The following ARHGAP29 variants were observed in gnomAD, a reference collection of about 807,000 sequenced individuals.
ARHGAP29 encodes rho GTPase-activating protein 29.
In ARHGAP29, 43 loss-of-function variants were observed where a neutral mutation model predicts 122.6. That is an observed-to-expected ratio of 0.35 (90% CI 0.27 to 0.45). The LOEUF (loss-of-function observed/expected upper bound fraction) is 0.45, where lower values mean the gene tolerates loss of function less well. ARHGAP29 is among the 20% of genes least tolerant of loss of function. The probability of loss-of-function intolerance (pLI) is 1.00; values close to 1 mark genes in which losing one functional copy is unlikely to be tolerated. For missense variants in ARHGAP29, 1,303 were observed against 1,477.2 expected (o/e 0.88, Z 1.93); for synonymous variants, 506 against 497.1 (o/e 1.02, Z -0.24).
At chr1:94,243,107 C>T (rs1034354179) in intron 1 of ARHGAP29, among the ~76,000 whole-genome samples, 11 of 152,052 alleles carry the variant, frequency 7.2e-5, no homozygotes, top group Non-Finnish European at 5.9e-5. Flanking sequence ...GTTAAGATTT[C>T]AGCACTCTTC....
At chr1:94,257,430 G>A (rs566294528) in intron 1 of ARHGAP29, among the ~76,000 whole-genome samples, 47 of 152,014 alleles carry the variant, frequency 3.1e-4, no homozygotes, top group Non-Finnish European at 5.4e-4. Flanking sequence ...AATCTTGGCT[G>A]GGCACAGTAG....
At chr1:94,191,893 G>C (rs1168290410) in intron 12 of ARHGAP29, 1 of 152,122 alleles carries the variant, frequency 6.6e-6, no homozygotes, top group East Asian at 1.9e-4. Flanking sequence ...AACTTGATAG[G>C]ATTTTTGTGA....
upstream of ARHGAP29, among the ~76,000 whole-genome samples, chr1:94,275,712 G>A (rs758406242): frequency 1.3e-5 from 2 of 152,072 alleles, no homozygotes; most frequent in African/African-American, 4.8e-5. Flanking sequence ...GCAAAGGAAG[G>A]AAAAGGGTTT....
chr1:94,212,630 TG>T (rs1246070608), intron 3 of ARHGAP29, among the ~76,000 whole-genome samples: 16 of 152,344 alleles, frequency 1.1e-4, no homozygotes, highest in African/African-American at 3.8e-4. Flanking sequence ...AAAAAATAAT[TG>T]TAACAACTGT....
chr1:94,169,281 G>T lies in ARHGAP29; in HGVS notation c.*4588C>A, dbSNP rs1369716293. On this transcript the variant is annotated 3_prime_UTR_variant, in exon 23 of 23. Transcript: ENST00000260526. ...TGTGCTCAGGACTGACATCACTGGGGTCAAAGATTCAGCTGCCATGGTCCA... is the reference window on the plus strand; with the variant it reads ...TGTGCTCAGGACTGACATCACTGGGTTCAAAGATTCAGCTGCCATGGTCCA... Among the ~76,000 whole-genome samples the T allele has an allele frequency of 2.0e-5, 3 of 152,166 alleles. No individual in the cohort carries two copies. Among genetic ancestry groups the T allele is most frequent in the African/African-American group, 7.2e-5 (3 of 41,440 alleles).
intron 4 of ARHGAP29, 62 bp downstream of exon 4, chr1:94,209,192 T>C (rs1651417076): frequency 8.5e-7 from 1 of 1,172,698 alleles, no homozygotes; most frequent in Non-Finnish European, 1.2e-6. Context: ...TACTGGATAA[T>C]GCAACATACT....
intron 1 of ARHGAP29, among the ~76,000 whole-genome samples, chr1:94,251,115 C>T (rs1654065850): frequency 6.6e-6 from 1 of 151,642 alleles, no homozygotes; most frequent in African/African-American, 2.4e-5. Context: ...TTATACTTTA[C>T]ATTTCATAAA....
At chr1:94,293,995 G>T in the ARHGAP29 span, among the ~76,000 whole-genome samples, 3 of 152,116 alleles carry the variant, frequency 2.0e-5, no homozygotes, top group African/African-American at 7.2e-5. Flanking sequence ...CCAACCAGAA[G>T]CTACCTAGGG....
rs530295333 is a variant in ARHGAP29 at position 94,256,536 on chromosome 1, C to CTTTTTTTTTTTTTTTTTTTTTTT, written c.-33+18453_-33+18475dup. Reference sequence around the variant, plus strand: ...CAGAAATAGATTTAACAGTACTAATCTTTTTTTTTTTTTTTTTTTTTTTTT... The same window carrying CTTTTTTTTTTTTTTTTTTTTTTT: ...CAGAAATAGATTTAACAGTACTAATCTTTTTTTTTTTTTTTTTTTTTTTTTTTTTTTTTTTTTTTTTTTTTTTT... On this transcript the variant is annotated intron_variant and NMD_transcript_variant, in intron 1 of 25. Coordinates refer to the ARHGAP29 transcript ENST00000552844. Among the ~76,000 whole-genome samples the CTTTTTTTTTTTTTTTTTTTTTTT allele has an allele frequency of 1.1e-4, 5 of 45,296 alleles. 2 individuals are homozygous for CTTTTTTTTTTTTTTTTTTTTTTT. The highest frequency in any genetic ancestry group is 1.9e-4 in the Non-Finnish European group (5 of 26,948). The allele number at this position is 45,296 out of a possible 152,430, so 29.7% of individuals were successfully genotyped here.
intron 3 of ARHGAP29, among the ~76,000 whole-genome samples, chr1:94,218,174 T>C (rs762358055): frequency 6.6e-6 from 1 of 152,118 alleles, no homozygotes; most frequent in Non-Finnish European, 1.5e-5. Context: ...AAAGTGAGAG[T>C]TGGGGCAGGG....
At chr1:94,281,276 C>G in the ARHGAP29 span, among the ~76,000 whole-genome samples, 2,025 of 152,240 alleles carry the variant, frequency 0.013, 51 homozygotes, top group African/African-American at 0.047. Context: ...CATTTAAACT[C>G]CCTTTCTAAA....
chr1:94,250,348 A>T (rs549372248), intron 1 of ARHGAP29: 1 of 152,174 alleles, frequency 6.6e-6, no homozygotes, highest in Admixed American at 6.5e-5. Flanking sequence ...AGCACAGGGG[A>T]TATATCAGGG....
At chr1:94,199,736 A>AC (rs1650716939) in intron 12 of ARHGAP29, among the ~76,000 whole-genome samples, 2 of 152,152 alleles carry the variant, frequency 1.3e-5, no homozygotes, top group African/African-American at 4.8e-5. Flanking sequence ...TCCTGAGGAA[A>AC]CCCCAATAAA....
At chr1:94,278,813 A>T (rs1220929257), upstream of ARHGAP29, among the ~76,000 whole-genome samples, 2 of 152,236 alleles carry the variant, frequency 1.3e-5, no homozygotes, top group East Asian at 3.8e-4. Flanking sequence ...GCCAGCCTGG[A>T]AAGATGGGTT....
rs780050775 is a variant in ARHGAP29 at position 94,174,475 on chromosome 1, G to A, written c.3180C>T (p.Asp1060=). The A allele has an allele frequency of 1.4e-5, 23 of 1,614,072 alleles. No individual in the cohort carries two copies. The highest frequency in any genetic ancestry group is 2.2e-5 in the East Asian group (1 of 44,900). ...ATTTGGAACAAACAGTAGTAGCAGC[G>A]TCTTTTCTATTAACTCCTTCAAAGG... ...NPAFEGVNRK[D]AATTVCSKFN... The change falls in exon 23 of 23, where the codon GAC becomes GAT. Residue 1060 remains aspartate (D), a synonymous_variant. Coordinates refer to ENST00000260526, the MANE Select transcript of ARHGAP29 (RefSeq NM_004815.4).
rs1649992329 is a variant in ARHGAP29 at position 94,189,266 on chromosome 1, C to T, written c.1526G>A (p.Ser509Asn). 9 of 1,613,144 alleles carry T rather than the reference C, an allele frequency of 5.6e-6. No individual in the cohort carries two copies. Among genetic ancestry groups the T allele is most frequent in the Non-Finnish European group, 7.6e-6 (9 of 1,179,480 alleles). The change falls in exon 14 of 23, where the codon AGT (serine) becomes AAT (asparagine). Residue 509 changes from serine (S) to asparagine (N), a missense_variant. Around this residue, in one of 3 missense-constraint regions of ARHGAP29, gnomAD observed 592 missense variants for 648.2 expected, o/e 0.91. Coordinates refer to ENST00000260526, the MANE Select transcript of ARHGAP29 (RefSeq NM_004815.4). ...SLEDVVRLPD[S>N]SNKIEEDRCS... is the part of the protein sequence containing the mutation. ...TCTGTCCTCTTCAATTTTATTAGAA[C>T]TGTCAGGAAGGCGTACAACATCCTC...
chr1:94,189,588 A>G (rs1650010608), intron 13 of ARHGAP29, among the ~76,000 whole-genome samples: 1 of 152,146 alleles, frequency 6.6e-6, no homozygotes, highest in Non-Finnish European at 1.5e-5. Flanking sequence ...AGTATAGTTA[A>G]TTCATGTCAT....
At chr1:94,233,251 C>T (rs780913324) in intron 1 of ARHGAP29, among the ~76,000 whole-genome samples, 1 of 152,080 alleles carries the variant, frequency 6.6e-6, no homozygotes, top group Non-Finnish European at 1.5e-5. Flanking sequence ...CCATGCCTGG[C>T]CCACTAGGAA....
chr1:94,291,527 A>C, the ARHGAP29 span, among the ~76,000 whole-genome samples: 2 of 152,084 alleles, frequency 1.3e-5, no homozygotes, highest in African/African-American at 4.8e-5. Flanking sequence ...CTGTTAATTG[A>C]TATAGTTTCT....
Sources: allele counts gnomAD v4.1 joint callset (sites outside exome capture counted in the v4.1 genomes callset), GRCh38; gene constraint gnomAD v4.1.1; regional missense constraint gnomAD v4.1.1; transcripts MANE v1.5; gene names NCBI Gene and HGNC (gene_info 2026-07-23, HGNC 2026-07-21).